FCHO2: variants seen among roughly 807,000 people sequenced by gnomAD.
FCHO2 encodes FCH and mu domain containing endocytic adaptor 2.
FCHO2 carries 43 observed loss-of-function variants against 114.1 expected under a neutral mutation model. The observed-to-expected ratio is 0.38, with a 90% CI of 0.30 to 0.49. The LOEUF (loss-of-function observed/expected upper bound fraction) is 0.49. Ranked by LOEUF, FCHO2 falls within the 20% of genes least tolerant of loss-of-function variation. The pLI is 0.97. For synonymous variants in FCHO2, 293 were observed against 315.2 expected (o/e 0.93, Z 0.75); for missense variants, 807 against 950.4 (o/e 0.85, Z 1.98).
At chr5:73,053,544 A>G (rs1757431964) in intron 13 of FCHO2, among the ~76,000 whole-genome samples, 1 of 152,118 alleles carries the variant, frequency 6.6e-6, no homozygotes, top group African/African-American at 2.4e-5. Context: ...AAATACAAAA[A>G]ATTAGCCGGT....
chr5:73,065,302 T>A (rs563542434), intron 18 of FCHO2, among the ~76,000 whole-genome samples: 1 of 151,950 alleles, frequency 6.6e-6, no homozygotes, highest in South Asian at 2.1e-4. Context: ...TTTTTTTTCC[T>A]GATTGTAAAA....
intron 6 of FCHO2, 110 bp downstream of exon 6, chr5:73,006,659 C>A: frequency 1.5e-6 from 1 of 675,036 alleles, no homozygotes; most frequent in Non-Finnish European, 2.3e-6. Flanking sequence ...AATGCACAAT[C>A]TCAATTTGTT....
At chr5:72,957,969 T>C (rs903204265) in intron 1 of FCHO2, among the ~76,000 whole-genome samples, 1 of 152,210 alleles carries the variant, frequency 6.6e-6, no homozygotes, top group African/African-American at 2.4e-5. Context: ...TATATTTTCT[T>C]TGGAGAAATG....
chr5:73,058,437 G>A lies in FCHO2; in HGVS notation c.1258G>A (p.Gly420Arg), dbSNP rs1360584851. 6.4e-7 allele frequency: 1 copy of A among 1,551,268 alleles called. No homozygotes were observed. The highest frequency in any genetic ancestry group is 8.7e-7 in the Non-Finnish European group (1 of 1,147,772). Residue 420 changes from glycine (G) to arginine (R), a missense_variant, in exon 17 of 26, where the codon GGA becomes AGA. By Grantham distance (125) the Gly-to-Arg change is moderately radical. Transcript: ENST00000430046. ...CTTTTAAAAATATTATGGTAGAAAA[G>A]GAACCAGTGATTTACTTGCTTGGGA... ...SKPSAPPNEK[G>R]TSDLLAWDPL...
At chr5:72,977,818 A>G (rs1283306771) in intron 2 of FCHO2, among the ~76,000 whole-genome samples, 1 of 152,226 alleles carries the variant, frequency 6.6e-6, no homozygotes, top group African/African-American at 2.4e-5. Flanking sequence ...GAAGGGGTCC[A>G]GTTTCAGTTT....
At chr5:73,030,457 T>C (rs1756177950) in intron 8 of FCHO2, among the ~76,000 whole-genome samples, 1 of 152,224 alleles carries the variant, frequency 6.6e-6, no homozygotes, top group Non-Finnish European at 1.5e-5. Flanking sequence ...TGAATGCTTG[T>C]TATAAATGGA....
Position 73,051,372 on chromosome 5 carries a change from A to G in FCHO2, c.963A>G (p.Glu321=), listed in dbSNP as rs1580169323. The change falls in exon 12 of 26, where the codon GAA becomes GAG. Residue 321 remains glutamate, a synonymous_variant. Coordinates refer to ENST00000430046, the MANE Select transcript of FCHO2 (RefSeq NM_138782.3). The stretch of plus-strand genomic sequence containing the variant: ...AGAACATTCCTGATGTAGATGAAGA[A>G]GGCTACAGTATTAAACCAGAAACAA... ...DSLNIPDVDE[E]GYSIKPETNQ... is the part of the protein sequence containing the mutation. The G allele has an allele frequency of 6.5e-7, 1 of 1,534,160 alleles. No individual in the cohort carries two copies. Among genetic ancestry groups the G allele is most frequent in the Non-Finnish European group, 8.8e-7 (1 of 1,133,814 alleles).
chr5:72,989,476 T>A lies in FCHO2; in HGVS notation c.175T>A (p.Ser59Thr). Reference protein sequence around the residue: ...YSRSMTKLAKSASNYSQLGTF... With the variant: ...YSRSMTKLAKTASNYSQLGTF... ...CAGGTCAATGACAAAACTAGCAAAATCTGCAAGCAATTATTCACAACTTGG... is the reference window on the plus strand; with the variant it reads ...CAGGTCAATGACAAAACTAGCAAAAACTGCAAGCAATTATTCACAACTTGG... The change falls in exon 3 of 26, where the codon TCT (serine) becomes ACT (threonine). Residue 59 changes from serine to threonine, a missense_variant. Ser to Thr is a moderately conservative substitution (Grantham distance 58). Coordinates refer to ENST00000430046, the MANE Select transcript of FCHO2 (RefSeq NM_138782.3). 6.2e-7 allele frequency: 1 copy of A among 1,605,952 alleles called. No homozygotes were observed. Among genetic ancestry groups the A allele is most frequent in the East Asian group, 2.2e-5 (1 of 44,706 alleles).
At chr5:73,058,045 C>T (rs952859329) in intron 16 of FCHO2, among the ~76,000 whole-genome samples, 2 of 152,048 alleles carry the variant, frequency 1.3e-5, no homozygotes, top group Admixed American at 6.6e-5. Flanking sequence ...GGGTCTTGCT[C>T]TGTTACCCAG....
chr5:72,988,499 A>G (rs549413438), intron 2 of FCHO2, among the ~76,000 whole-genome samples: 37 of 152,288 alleles, frequency 2.4e-4, no homozygotes, highest in Non-Finnish European at 4.7e-4. Context: ...CTGTAGGATA[A>G]TTTGTGTCTT....
chr5:73,005,414 T>C (rs901741984), intron 5 of FCHO2, among the ~76,000 whole-genome samples: 36 of 152,190 alleles, frequency 2.4e-4, no homozygotes, highest in African/African-American at 8.4e-4. Context: ...TCCACAATTA[T>C]GGTTTGAAAC....
intron 8 of FCHO2, among the ~76,000 whole-genome samples, chr5:73,027,021 T>TG (rs1554069812): frequency 3.1e-4 from 39 of 127,768 alleles, no homozygotes; most frequent in East Asian, 1.0e-3. Context: ...TTTGTTTGTT[T>TG]TTTTTTTTTT....
intron 2 of FCHO2, among the ~76,000 whole-genome samples, chr5:72,973,243 TTTTC>T (rs1377740906): frequency 6.6e-6 from 1 of 152,054 alleles, no homozygotes; most frequent in Non-Finnish European, 1.5e-5. Flanking sequence ...GATTCCCTCT[TTTTC>T]TATTGATTGG....
intron 6 of FCHO2, among the ~76,000 whole-genome samples, chr5:73,015,408 A>G (rs530298656): frequency 6.6e-6 from 1 of 151,914 alleles, no homozygotes; most frequent in African/African-American, 2.4e-5. Flanking sequence ...GATTACAGGC[A>G]TCTGCCACCA....
intron 8 of FCHO2, among the ~76,000 whole-genome samples, chr5:73,019,278 G>T (rs187909081): frequency 1.3e-5 from 2 of 152,300 alleles, no homozygotes; most frequent in Non-Finnish European, 2.9e-5. Context: ...GAGCATGGTG[G>T]TTCACACCTG....
At chr5:72,964,331 AGTCAC>A (rs2112590571) in intron 1 of FCHO2, among the ~76,000 whole-genome samples, 1 of 152,280 alleles carries the variant, frequency 6.6e-6, no homozygotes, top group East Asian at 1.9e-4. Context: ...AATATGTTTG[AGTCAC>A]TTTTGTACCT....
chr5:73,078,323 C>A lies in FCHO2; in HGVS notation c.1980+11C>A, dbSNP rs749805967. ...GTATTAAAGTATCAGGTGAGTGTCA[C>A]GACATTGCAAAAATTCTAAATTAAA... On this transcript the variant is annotated intron_variant, in intron 22 of 25. Transcript: ENST00000430046. 3 of 1,577,676 alleles carry A rather than the reference C, an allele frequency of 1.9e-6. No individual in the cohort carries two copies. The highest frequency in any genetic ancestry group is 2.4e-5 in the South Asian group (2 of 82,298).
intron 5 of FCHO2, among the ~76,000 whole-genome samples, chr5:72,994,705 C>G (rs933545576): frequency 8.5e-5 from 13 of 152,078 alleles, no homozygotes; most frequent in Admixed American, 6.5e-5. Context: ...CAGCACTATT[C>G]ACAATATCTA....
At chr5:73,082,443 AGTTACTTCATCATTT>A (rs1001926546) in intron 23 of FCHO2, among the ~76,000 whole-genome samples, 1 of 152,094 alleles carries the variant, frequency 6.6e-6, no homozygotes, top group Non-Finnish European at 1.5e-5. Flanking sequence ...CGCTCTTTAT[AGTTACTTCATCATTT>A]AATAACATGT....
Sources: gnomAD v4.1 joint callset for allele counts (sites outside exome capture counted in the v4.1 genomes callset) on GRCh38, gnomAD v4.1.1 for gene constraint, MANE v1.5 for transcripts, NCBI Gene and HGNC (gene_info 2026-07-23, HGNC 2026-07-21) for gene names.